EIPR1: variants seen among roughly 807,000 people sequenced by gnomAD.
The protein encoded by EIPR1 is EARP complex and GARP complex interacting protein 1, also known as EARP and GARP complex-interacting protein 1.
In EIPR1, 25 loss-of-function variants were observed where a neutral mutation model predicts 48.1. The observed-to-expected ratio is 0.52, with a 90% CI of 0.38 to 0.73. EIPR1 has a LOEUF of 0.73. EIPR1 is among the 30% of genes least tolerant of loss of function. EIPR1 has a pLI of 0.00. For synonymous variants in EIPR1, 204 were observed against 201.9 expected (o/e 1.01, Z -0.09); for missense variants, 415 against 506.2 (o/e 0.82, Z 1.73).
chr2:3,208,364 T>G (rs1665306295), intron 5 of EIPR1: 9 of 1,204,438 alleles, frequency 7.5e-6, no homozygotes, highest in Non-Finnish European at 1.0e-5. Context: ...CGGGTGGGAC[T>G]CATTTATAGG....
intron 3 of EIPR1, among the ~76,000 whole-genome samples, chr2:3,311,123 C>G (rs1463530572): frequency 6.6e-6 from 1 of 152,044 alleles, no homozygotes; most frequent in Non-Finnish European, 1.5e-5. Flanking sequence ...AACTGGCAAG[C>G]AAAGACAAGG....
At chr2:3,244,537 G>A (rs917673352) in intron 4 of EIPR1, among the ~76,000 whole-genome samples, 1 of 152,190 alleles carries the variant, frequency 6.6e-6, no homozygotes, top group African/African-American at 2.4e-5. Flanking sequence ...GCCTCCGGAA[G>A]GTAATCAGAT....
At chr2:3,251,182 T>C (rs2103208319) in intron 4 of EIPR1, among the ~76,000 whole-genome samples, 1 of 152,268 alleles carries the variant, frequency 6.6e-6, no homozygotes, top group Non-Finnish European at 1.5e-5. Flanking sequence ...AGGGAACTCA[T>C]CTGAATGATT....
chr2:3,269,533 C>G (rs1453565303), intron 3 of EIPR1, among the ~76,000 whole-genome samples: 1 of 130,550 alleles, frequency 7.7e-6, no homozygotes. Flanking sequence ...TCATCGCACT[C>G]AGTCATCGCA....
intron 5 of EIPR1, among the ~76,000 whole-genome samples, chr2:3,201,487 C>A (rs538468983): frequency 1.6e-4 from 25 of 152,140 alleles, no homozygotes; most frequent in Non-Finnish European, 3.4e-4. Flanking sequence ...CCAGCTGGTG[C>A]GGGAGGCGGG....
intron 1 of EIPR1, among the ~76,000 whole-genome samples, chr2:3,355,548 C>T (rs1349418236): frequency 6.6e-6 from 1 of 152,212 alleles, no homozygotes; most frequent in African/African-American, 2.4e-5. Flanking sequence ...GTGGCTCACA[C>T]CTCTAATCTC....
At chr2:3,217,436 A>G (rs1210690917) in intron 4 of EIPR1, among the ~76,000 whole-genome samples, 1 of 152,258 alleles carries the variant, frequency 6.6e-6, no homozygotes, top group Non-Finnish European at 1.5e-5. Flanking sequence ...TTTAACTTCA[A>G]TAAACATAGG....
At chr2:3,316,509 G>C (rs1198827248) in intron 3 of EIPR1, among the ~76,000 whole-genome samples, 1 of 152,138 alleles carries the variant, frequency 6.6e-6, no homozygotes, top group East Asian at 1.9e-4. Flanking sequence ...TCCACAGGCA[G>C]CCATTATACC....
At chr2:3,190,629 C>T (rs550082599) in intron 8 of EIPR1, among the ~76,000 whole-genome samples, 8 of 152,168 alleles carry the variant, frequency 5.3e-5, no homozygotes, top group East Asian at 1.9e-4. Context: ...TTCCGACCAA[C>T]GGGCCCATCA....
At chr2:3,368,023 T>A (rs1171582354) in intron 1 of EIPR1, among the ~76,000 whole-genome samples, 1 of 152,128 alleles carries the variant, frequency 6.6e-6, no homozygotes, top group Non-Finnish European at 1.5e-5. Flanking sequence ...CCAGCCCGGG[T>A]GACAGAGCGA....
chr2:3,194,255 A>G (rs543607492), intron 6 of EIPR1, 89 bp from the exon 7 acceptor site: 1 of 1,515,878 alleles, frequency 6.6e-7, no homozygotes, highest in South Asian at 1.2e-5. Flanking sequence ...GTTTCCCGGG[A>G]CCCTGTCTAA....
intron 4 of EIPR1, among the ~76,000 whole-genome samples, chr2:3,256,624 A>G (rs1165459826): frequency 6.6e-6 from 1 of 152,270 alleles, no homozygotes; most frequent in East Asian, 1.9e-4. Flanking sequence ...TAAAACAATC[A>G]CTATCGTTAT....
intron 2 of EIPR1, 60 bp downstream of exon 2, chr2:3,354,490 G>A: frequency 6.7e-7 from 1 of 1,486,280 alleles, no homozygotes; most frequent in Non-Finnish European, 9.3e-7. Context: ...GAGCAAAATG[G>A]TTATAAAACT....
At chr2:3,300,393 C>T (rs561861895) in intron 3 of EIPR1, among the ~76,000 whole-genome samples, 1 of 152,308 alleles carries the variant, frequency 6.6e-6, no homozygotes, top group African/African-American at 2.4e-5. Context: ...CCCGCCCCCT[C>T]TCCTTCTCGT....
intron 8 of EIPR1, among the ~76,000 whole-genome samples, chr2:3,190,508 C>T (rs1664567494): frequency 6.6e-6 from 1 of 152,136 alleles, no homozygotes; most frequent in Admixed American, 6.5e-5. Flanking sequence ...CTGAATGCAG[C>T]AGGACATCAG....
At chr2:3,235,460 A>C (rs11892811) in intron 4 of EIPR1, among the ~76,000 whole-genome samples, 1 of 56,780 alleles carries the variant, frequency 1.8e-5, no homozygotes, top group Non-Finnish European at 4.4e-5. Flanking sequence ...ACACACACAC[A>C]CACCCCCCAA....
chr2:3,191,246 C>T (rs1322317540), intron 8 of EIPR1, among the ~76,000 whole-genome samples: 2 of 115,430 alleles, frequency 1.7e-5, no homozygotes, highest in Admixed American at 9.0e-5. Flanking sequence ...ATGGGCCCAT[C>T]GCCACTGCAG....
chr2:3,277,189 GC>G (rs1233062113), intron 3 of EIPR1, among the ~76,000 whole-genome samples: 1 of 151,258 alleles, frequency 6.6e-6, no homozygotes, highest in African/African-American at 2.4e-5. Flanking sequence ...CACCCACGCG[GC>G]CCCACACCTG....
At chr2:3,271,964 T>A (rs1667712706) in intron 3 of EIPR1, among the ~76,000 whole-genome samples, 1 of 152,268 alleles carries the variant, frequency 6.6e-6, no homozygotes, top group Admixed American at 6.5e-5. Flanking sequence ...CCTTCATCAA[T>A]GATCTTAGGC....
Sources: gnomAD v4.1 joint callset for allele counts (sites outside exome capture counted in the v4.1 genomes callset) on GRCh38, gnomAD v4.1.1 for gene constraint, MANE v1.5 for transcripts, NCBI Gene and HGNC (gene_info 2026-07-23, HGNC 2026-07-21) for gene names.